Variants in CHL1 observed in about 807,000 individuals in gnomAD.
CHL1 encodes cell adhesion molecule L1 like.
Under a neutral mutation model 141.9 loss-of-function variants are expected in CHL1, and 96 were observed. The observed-to-expected ratio is 0.68, with a 90% CI of 0.57 to 0.80. CHL1 has a LOEUF of 0.80. Among genes scored for constraint, CHL1 ranks in the 30% least tolerant of loss-of-function variants. CHL1 has a pLI of 0.00. For missense variants in CHL1, 1,820 were observed against 1,457.2 expected, an observed-to-expected ratio of 1.25 and a Z score of -4.05; for synonymous variants, 613 against 502.2, an observed-to-expected ratio of 1.22 and a Z score of -2.95.
At chr3:270,693 C>T (rs1266645136) in intron 2 of CHL1, among the ~76,000 whole-genome samples, 1 of 152,182 alleles carries the variant, frequency 6.6e-6, no homozygotes, top group East Asian at 1.9e-4. Flanking sequence ...ATAGAGAGGG[C>T]AGTTCTTGCT....
intron 2 of CHL1, among the ~76,000 whole-genome samples, chr3:257,114 A>G (rs2125170017): frequency 6.6e-6 from 1 of 152,312 alleles, no homozygotes; most frequent in Middle Eastern, 3.4e-3. Flanking sequence ...TGGAGGCATT[A>G]GCTTTGTTTA....
intron 2 of CHL1, among the ~76,000 whole-genome samples, chr3:259,130 A>G (rs1452864216): frequency 6.6e-6 from 1 of 151,730 alleles, no homozygotes; most frequent in Admixed American, 6.6e-5. Context: ...ACCACATTTC[A>G]GGCTGGCTTT....
intron 3 of CHL1, among the ~76,000 whole-genome samples, chr3:322,644 A>T (rs62227234): frequency 4.8e-5 from 4 of 82,680 alleles, no homozygotes; most frequent in African/African-American, 3.0e-4. Context: ...TATATATATA[A>T]AATATATATA....
intron 2 of CHL1, among the ~76,000 whole-genome samples, chr3:308,052 G>T (rs1336177942): frequency 6.6e-6 from 1 of 152,116 alleles, no homozygotes; most frequent in Admixed American, 6.5e-5. Context: ...TAGCCTTTAT[G>T]GAATTATTGT....
chr3:238,157 G>C (rs1270054362), intron 1 of CHL1, among the ~76,000 whole-genome samples: 1 of 152,152 alleles, frequency 6.6e-6, no homozygotes, highest in Non-Finnish European at 1.5e-5. Flanking sequence ...AAAAGATACA[G>C]TCATTCAAAT....
chr3:366,160 A>T (rs1255035041), intron 15 of CHL1, 45 bp downstream of exon 15: 1 of 1,565,450 alleles, frequency 6.4e-7, no homozygotes, highest in Non-Finnish European at 8.7e-7. Flanking sequence ...CTTGGGGTAA[A>T]CAACTTGCAT....
In CHL1 at chr3:365,946, A is replaced by G; in HGVS notation, c.1586-4A>G. 3.1e-6 allele frequency: 5 copies of G among 1,610,684 alleles called. No homozygotes were observed. The highest frequency in any genetic ancestry group is 4.2e-6 in the Non-Finnish European group (5 of 1,177,786). On this transcript the variant is annotated splice_region_variant and splice_polypyrimidine_tract_variant and intron_variant, in intron 14 of 27. Transcript: ENST00000256509. ...TAACTAATATCTTTGTTTGGTAAAA[A>G]CAGATGCTACAAAACTTAGAGTTTC...
chr3:282,322 G>A (rs1408751670), intron 2 of CHL1, among the ~76,000 whole-genome samples: 2 of 152,100 alleles, frequency 1.3e-5, no homozygotes, highest in African/African-American at 4.8e-5. Flanking sequence ...TACTGTGTAA[G>A]CCCATTAACG....
Position 342,993 on chromosome 3 carries a change from C to G in CHL1, c.689C>G (p.Ala230Gly), listed in dbSNP as rs369518669. 12 of 1,608,364 alleles carry G rather than the reference C, an allele frequency of 7.5e-6. No individual in the cohort carries two copies. Among genetic ancestry groups the G allele is most frequent in the South Asian group, 6.7e-5 (6 of 90,058 alleles). ...CGTTTTTTTATTTCAGTAAAGCATG[C>G]TAATGACTCAAGTTCATCCACAGAA... is the stretch of plus-strand genomic sequence containing the variant. ...MKLTVNSLKHANDSSSSTEIG... is the reference protein window; with the variant it reads ...MKLTVNSLKHGNDSSSSTEIG... Residue 230 changes from alanine to glycine, a missense_variant, in exon 8 of 28, where the codon GCT (alanine) becomes GGT (glycine). By Grantham distance (60) the Ala-to-Gly change is moderately conservative (BLOSUM62 0). Coordinates refer to ENST00000256509, the MANE Select transcript of CHL1 (RefSeq NM_006614.4).
At chr3:289,901 T>C (rs1405563334) in intron 2 of CHL1, among the ~76,000 whole-genome samples, 1 of 150,460 alleles carries the variant, frequency 6.6e-6, no homozygotes, top group Admixed American at 6.6e-5. Context: ...TTTGTTATGG[T>C]AGCACATAGA....
chr3:392,265 C>T (rs1194944093), intron 23 of CHL1, among the ~76,000 whole-genome samples: 2 of 152,188 alleles, frequency 1.3e-5, no homozygotes, highest in Non-Finnish European at 2.9e-5. Context: ...GATGGAGATT[C>T]AAAGCATAGG....
At chr3:270,913 G>A (rs1335093912) in intron 2 of CHL1, among the ~76,000 whole-genome samples, 3 of 152,192 alleles carry the variant, frequency 2.0e-5, no homozygotes, top group African/African-American at 7.2e-5. Flanking sequence ...TGAACTTCAG[G>A]CATGACTGCT....
At chr3:231,377 CAGAGT>C (rs1280909287) in intron 1 of CHL1, among the ~76,000 whole-genome samples, 2 of 152,052 alleles carry the variant, frequency 1.3e-5, no homozygotes, top group African/African-American at 4.8e-5. Flanking sequence ...TCCCCTTGAA[CAGAGT>C]AGATAATTGC....
At chr3:293,944 G>A (rs2124830446) in intron 2 of CHL1, among the ~76,000 whole-genome samples, 1 of 150,042 alleles carries the variant, frequency 6.7e-6, no homozygotes, top group Non-Finnish European at 1.5e-5. Flanking sequence ...GAATTTTTTT[G>A]TAGAGACAGG....
chr3:242,543 C>T (rs918151780), intron 1 of CHL1, among the ~76,000 whole-genome samples: 7 of 151,942 alleles, frequency 4.6e-5, no homozygotes, highest in Non-Finnish European at 5.9e-5. Context: ...TTGCAGTGAG[C>T]CGAGATTGTG....
At chr3:392,848 T>C (rs191288934) in intron 23 of CHL1, among the ~76,000 whole-genome samples, 14 of 152,364 alleles carry the variant, frequency 9.2e-5, no homozygotes, top group Admixed American at 8.5e-4. Flanking sequence ...TTTTACGTGC[T>C]TGCTAAGTAG....
At chr3:237,526 C>T (rs557374694) in intron 1 of CHL1, among the ~76,000 whole-genome samples, 24 of 152,222 alleles carry the variant, frequency 1.6e-4, no homozygotes, top group African/African-American at 5.3e-4. Context: ...GAGTCCTTTT[C>T]TCAAAGTATT....
At position 202,165 on chromosome 3, in the gene CHL1, T is replaced by A. The variant is rs138070842; in HGVS notation, c.-175+5102T>A. Among the ~76,000 whole-genome samples, 20 of 152,344 alleles carry A rather than the reference T, an allele frequency of 1.3e-4. No homozygotes were observed. The East Asian group carries it at 3.9e-3, about 29-fold the overall frequency. On this transcript the variant is annotated intron_variant, in intron 1 of 27. Coordinates refer to ENST00000256509, the MANE Select transcript of CHL1 (RefSeq NM_006614.4). Reference sequence around the variant, plus strand: ...TTCTTTAGAAACGGGGAAATAGCCATACTTAGCTCACATGTCACATGTGTT... The same window carrying A: ...TTCTTTAGAAACGGGGAAATAGCCAAACTTAGCTCACATGTCACATGTGTT...
intron 1 of CHL1, among the ~76,000 whole-genome samples, chr3:198,770 T>A (rs1282123554): frequency 1.3e-5 from 2 of 152,246 alleles, no homozygotes; most frequent in Non-Finnish European, 2.9e-5. Context: ...TTCATTGAAG[T>A]AAAAATTCTG....
Sources: gnomAD v4.1 joint callset for allele counts (sites outside exome capture counted in the v4.1 genomes callset) on GRCh38, gnomAD v4.1.1 for gene constraint, MANE v1.5 for transcripts, NCBI Gene and HGNC (gene_info 2026-07-23, HGNC 2026-07-21) for gene names.